Variants in VWA3B observed in about 807,000 individuals in gnomAD.
The protein encoded by VWA3B is von Willebrand factor A domain containing 3B.
VWA3B carries 138 observed loss-of-function variants against 158.3 expected under a neutral mutation model. That is an observed-to-expected ratio of 0.87 (90% CI 0.76 to 1.00). VWA3B has a LOEUF of 1.00. VWA3B is among the 50% of genes least tolerant of loss of function. The pLI, the probability that VWA3B is intolerant of heterozygous loss-of-function variation, is 0.00. For missense variants in VWA3B, 1,555 were observed against 1,565.1 expected (o/e 0.99, Z 0.11); for synonymous variants, 596 against 587.3 (o/e 1.01, Z -0.21).
chr2:98,153,332 A>T (rs1479444078), intron 7 of VWA3B, among the ~76,000 whole-genome samples: 2 of 152,244 alleles, frequency 1.3e-5, no homozygotes, highest in Non-Finnish European at 2.9e-5. Context: ...AAATGTCCTT[A>T]GAACAGCTAC....
At chr2:98,179,364 C>T in intron 8 of VWA3B, 2 of 470,358 alleles carry the variant, frequency 4.3e-6, no homozygotes, top group Non-Finnish European at 8.8e-6. Context: ...TGGAAAACAC[C>T]ACGAGAATGT....
intron 7 of VWA3B, among the ~76,000 whole-genome samples, chr2:98,137,054 T>C (rs1024032288): frequency 1.5e-4 from 23 of 152,346 alleles, no homozygotes; most frequent in African/African-American, 5.3e-4. Flanking sequence ...CATCCACCCA[T>C]GGACTTTTGG....
chr2:98,320,976 G>A, the VWA3B span, among the ~76,000 whole-genome samples: 6 of 152,236 alleles, frequency 3.9e-5, no homozygotes, highest in South Asian at 2.1e-4. Flanking sequence ...GGCGTAGGAC[G>A]GAAAAAATGG....
chr2:98,242,442 T>C (rs1433989994), intron 19 of VWA3B: 1 of 376,306 alleles, frequency 2.7e-6, no homozygotes, highest in Non-Finnish European at 5.2e-6. Context: ...GTAATGAACC[T>C]AGAATTTAAA....
At chr2:98,302,812 A>C (rs756706924) in intron 25 of VWA3B, among the ~76,000 whole-genome samples, 2 of 152,188 alleles carry the variant, frequency 1.3e-5, no homozygotes, top group Non-Finnish European at 2.9e-5. Flanking sequence ...TGACTGTGGC[A>C]TGAGGTAGTT....
chr2:98,172,660 C>T (rs567582734), intron 8 of VWA3B, among the ~76,000 whole-genome samples: 37 of 152,252 alleles, frequency 2.4e-4, no homozygotes, highest in East Asian at 1.5e-3. Context: ...CCAGCACTTC[C>T]GCATCAATAG....
chr2:98,136,037 C>T (rs924029012), intron 7 of VWA3B, among the ~76,000 whole-genome samples: 3 of 152,086 alleles, frequency 2.0e-5, no homozygotes, highest in Non-Finnish European at 4.4e-5. Flanking sequence ...AATAGAGACT[C>T]TCAAGTAAGG....
intron 9 of VWA3B, 95 bp from the exon 10 acceptor site, chr2:98,187,880 G>T: frequency 7.6e-7 from 1 of 1,317,992 alleles, no homozygotes; most frequent in African/African-American, 1.5e-5. Context: ...GGAGTGCTAG[G>T]AGCCACTTGA....
chr2:98,258,175 G>A lies in VWA3B; in HGVS notation c.2843+2001G>A, dbSNP rs59071404. On this transcript the variant is annotated intron_variant, in intron 21 of 27. Coordinates refer to ENST00000477737, the MANE Select transcript of VWA3B (RefSeq NM_144992.5). ...AAAATCATCTGACCATAAATGTTTGGGTTTATTTCTGGACTCTCTATTCTA... is the reference window on the plus strand; with the variant it reads ...AAAATCATCTGACCATAAATGTTTGAGTTTATTTCTGGACTCTCTATTCTA... 9.8e-4 allele frequency among the ~76,000 whole-genome samples: 149 copies of A among 151,796 alleles called. 1 individual carries two copies. The highest frequency in any genetic ancestry group is 3.5e-3 in the African/African-American group (144 of 41,428).
chr2:98,327,464 C>T, the VWA3B span, among the ~76,000 whole-genome samples: 1 of 152,160 alleles, frequency 6.6e-6, no homozygotes, highest in Non-Finnish European at 1.5e-5. Context: ...ATGCCTAAAA[C>T]AGAAGCTAAC....
At chr2:98,297,794 C>T (rs1447568769) in intron 23 of VWA3B, 113 bp from the exon 24 acceptor site, 1 of 1,287,938 alleles carries the variant, frequency 7.8e-7, no homozygotes, top group Non-Finnish European at 1.0e-6. Context: ...AAGGGGCACA[C>T]TGATTTAAAC....
intron 7 of VWA3B, among the ~76,000 whole-genome samples, chr2:98,151,271 C>T (rs1282967408): frequency 6.6e-6 from 1 of 152,124 alleles, no homozygotes; most frequent in Non-Finnish European, 1.5e-5. Flanking sequence ...CGCCATGATG[C>T]CCAGCTAATT....
rs544366339 is a variant in VWA3B at position 98,092,313 on chromosome 2, T to C, written c.-32-748T>C. ...AGGTTCTGGGGCTAGTGTTTATTTT[T>C]TTCCAAAATGGAAGAGCTTTGCAGT... On this transcript the variant is annotated intron_variant, in intron 1 of 27. Coordinates refer to ENST00000477737, the MANE Select transcript of VWA3B (RefSeq NM_144992.5). Among the ~76,000 whole-genome samples, 8 of 152,344 alleles carry C rather than the reference T, an allele frequency of 5.3e-5. No individual in the cohort carries two copies. In the South Asian group the frequency reaches 1.7e-3, roughly 32 times the overall value.
At chr2:98,178,336 A>C (rs1016732324) in intron 8 of VWA3B, among the ~76,000 whole-genome samples, 4 of 152,204 alleles carry the variant, frequency 2.6e-5, no homozygotes, top group Non-Finnish European at 5.9e-5. Flanking sequence ...TTCTTTGAGA[A>C]GTCCCCACTC....
At chr2:98,285,336 G>A (rs1689104094) in intron 22 of VWA3B, among the ~76,000 whole-genome samples, 1 of 151,976 alleles carries the variant, frequency 6.6e-6, no homozygotes, top group Non-Finnish European at 1.5e-5. Flanking sequence ...TCATTCCCCA[G>A]TTAATGGACA....
intron 22 of VWA3B, among the ~76,000 whole-genome samples, chr2:98,283,267 C>A (rs1372021209): frequency 2.6e-5 from 4 of 152,180 alleles, no homozygotes; most frequent in Admixed American, 2.6e-4. Context: ...GGGAGAAATG[C>A]CTTCCCAGAA....
In VWA3B at chr2:98,188,869, A is replaced by G. The variant is rs190081844; in HGVS notation, c.1466+740A>G. The stretch of plus-strand genomic sequence containing the variant: ...TTGATGCCAGTGCAGTTTATTGAAA[A>G]CAGCAAGCCAACGTGTGGCTATCAC... On this transcript the variant is annotated intron_variant, in intron 10 of 27. Coordinates refer to ENST00000477737, the MANE Select transcript of VWA3B (RefSeq NM_144992.5). Among the ~76,000 whole-genome samples the G allele has an allele frequency of 2.6e-3, 393 of 152,280 alleles. 1 individual carries two copies. Among genetic ancestry groups the G allele is most frequent in the African/African-American group, 8.0e-3 (332 of 41,552 alleles).
rs114516902 is a variant in VWA3B at position 98,213,301 on chromosome 2, G to A, written c.1836+1273G>A. ...CCTCGAATGCCATATTAGAAGGGTG[G>A]TGTCACCACAGAGAGGAACTCTCGG... On this transcript the variant is annotated intron_variant, in intron 13 of 27. Transcript: ENST00000477737. Among the ~76,000 whole-genome samples, 1,483 of 152,076 alleles carry A rather than the reference G, an allele frequency of 9.8e-3. 8 individuals carry two copies. The highest frequency in any genetic ancestry group is 0.014 in the Admixed American group (209 of 15,248).
intron 5 of VWA3B, among the ~76,000 whole-genome samples, chr2:98,126,667 G>T (rs2084713): frequency 1.3e-5 from 2 of 151,988 alleles, no homozygotes. Context: ...GTTTTTTCTC[G>T]CTTCCAGTTT....
Sources: gnomAD v4.1 joint callset for allele counts (sites outside exome capture counted in the v4.1 genomes callset) on GRCh38, gnomAD v4.1.1 for gene constraint, MANE v1.5 for transcripts, NCBI Gene and HGNC (gene_info 2026-07-23, HGNC 2026-07-21) for gene names.